The following EIF2AK3 variants were observed in gnomAD, a reference collection of about 807,000 sequenced individuals.
The protein encoded by EIF2AK3 is eukaryotic translation initiation factor 2-alpha kinase 3.
A neutral mutation model predicts 113.5 loss-of-function variants in EIF2AK3; 50 were observed. The observed-to-expected ratio is 0.44, with a 90% CI of 0.35 to 0.56. EIF2AK3 has a LOEUF of 0.56. EIF2AK3 is among the 20% of genes least tolerant of loss of function. The pLI, the probability that EIF2AK3 is intolerant of heterozygous loss-of-function variation, is 0.00. For synonymous variants in EIF2AK3, 448 were observed against 495.4 expected (o/e 0.90, Z 1.27); for missense variants, 1,185 against 1,378.0 (o/e 0.86, Z 2.22).
At chr2:88,590,742 G>A (rs949035804) in intron 5 of EIF2AK3, 76 bp downstream of exon 5, 51 of 1,579,482 alleles carry the variant, frequency 3.2e-5, no homozygotes, top group Middle Eastern at 1.7e-4. Flanking sequence ...TAGTAATTTC[G>A]TTCCACCCAA....
chr2:88,557,319 A>C lies in EIF2AK3; in HGVS notation c.*417T>G. The C allele has an allele frequency of 5.8e-6, 1 of 172,772 alleles. No homozygotes were observed. The allele number at this position is 172,772 out of a possible 1,614,324, so 10.7% of individuals were successfully genotyped here. On this transcript the variant is annotated 3_prime_UTR_variant, in exon 17 of 17. Transcript: ENST00000303236. Reference sequence around the variant, plus strand: ...TCAGCTTTTTCTAGAAATCAGTTTCAAAATCATCATATCTCTAGAAAGCAT... The same window carrying C: ...TCAGCTTTTTCTAGAAATCAGTTTCCAAATCATCATATCTCTAGAAAGCAT...
At chr2:88,566,028 G>A (rs990035784) in intron 14 of EIF2AK3, among the ~76,000 whole-genome samples, 3 of 152,018 alleles carry the variant, frequency 2.0e-5, no homozygotes, top group Admixed American at 1.3e-4. Context: ...AAATTTATTT[G>A]TGATTTTCCC....
intron 3 of EIF2AK3, among the ~76,000 whole-genome samples, chr2:88,593,616 G>A (rs186384877): frequency 2.0e-5 from 3 of 152,158 alleles, no homozygotes; most frequent in Admixed American, 6.5e-5. Context: ...TTTATTTCAG[G>A]GAATGATTTT....
intron 1 of EIF2AK3, among the ~76,000 whole-genome samples, chr2:88,621,513 T>C (rs1675722152): frequency 6.6e-6 from 1 of 152,230 alleles, no homozygotes; most frequent in Non-Finnish European, 1.5e-5. Flanking sequence ...CACAAAACTA[T>C]AAATGTGATT....
At chr2:88,607,194 C>G (rs2104460277) in intron 2 of EIF2AK3, among the ~76,000 whole-genome samples, 1 of 152,072 alleles carries the variant, frequency 6.6e-6, no homozygotes, top group African/African-American at 2.4e-5. Flanking sequence ...CCCAGAGATC[C>G]TAAAGAAAAA....
At chr2:88,576,206 A>T (rs1029632067) in intron 12 of EIF2AK3, among the ~76,000 whole-genome samples, 8 of 152,190 alleles carry the variant, frequency 5.3e-5, no homozygotes, top group African/African-American at 1.9e-4. Flanking sequence ...ATCACAATGT[A>T]TAGAGTCCTA....
chr2:88,623,825 A>G (rs1356640208), intron 1 of EIF2AK3, among the ~76,000 whole-genome samples: 2 of 152,142 alleles, frequency 1.3e-5, no homozygotes, highest in African/African-American at 4.8e-5. Flanking sequence ...GCAGACCCCA[A>G]AACTGGGCTC....
upstream of EIF2AK3, chr2:88,627,474 A>C: frequency 3.4e-6 from 2 of 593,628 alleles, no homozygotes; most frequent in South Asian, 4.6e-5. Flanking sequence ...TATCTCGGAC[A>C]TCGCCCATTG....
intron 14 of EIF2AK3, 114 bp downstream of exon 14, chr2:88,570,760 T>C (rs1674283709): frequency 2.9e-6 from 4 of 1,386,424 alleles, no homozygotes; most frequent in Non-Finnish European, 4.1e-6. Flanking sequence ...CCAGTTTTCA[T>C]AATTTTCAGA....
chr2:88,609,787 T>C lies in EIF2AK3; in HGVS notation c.438+3937A>G, dbSNP rs191288674. ...ACATCTGACGGTATTTGTGATAAAA[T>C]TTATGTTTTTAAGTGAATTCTAGAA... On this transcript the variant is annotated intron_variant, in intron 2 of 16. Transcript: ENST00000303236. Among the ~76,000 whole-genome samples, 1,083 of 152,014 alleles carry C rather than the reference T, an allele frequency of 7.1e-3. 8 individuals carry two copies. The highest frequency in any genetic ancestry group is 0.01 in the Non-Finnish European group (705 of 67,964).
intron 2 of EIF2AK3, among the ~76,000 whole-genome samples, chr2:88,601,529 T>G (rs1274131918): frequency 6.6e-6 from 1 of 152,242 alleles, no homozygotes; most frequent in African/African-American, 2.4e-5. Context: ...GCTTTCCAGC[T>G]GCAACTAAAG....
rs763921692 is a variant in EIF2AK3 at position 88,613,840 on chromosome 2, T to C, written c.322A>G (p.Ile108Val). The change falls in exon 2 of 17, where the codon ATC becomes GTC. Residue 108 changes from isoleucine to valine, a missense_variant. This residue lies in a region of EIF2AK3 where 189 missense variants were observed against 175.2 expected (regional missense o/e 1.08). Transcript: ENST00000303236. The stretch of plus-strand genomic sequence containing the variant: ...GCAATTCTCCCATCTAAAGTGCTGA[T>C]AATTACTAATGACCTGTAAATATTA... ...LRPRGRSLVIISTLDGRIAAL... is the reference protein window; with the variant it reads ...LRPRGRSLVIVSTLDGRIAAL... 3 of 1,612,544 alleles carry C rather than the reference T, an allele frequency of 1.9e-6. No homozygotes were observed. The highest frequency in any genetic ancestry group is 2.5e-6 in the Non-Finnish European group (3 of 1,178,632).
chr2:88,591,934 G>T (rs1461528192), intron 4 of EIF2AK3, among the ~76,000 whole-genome samples: 2 of 152,136 alleles, frequency 1.3e-5, no homozygotes, highest in African/African-American at 4.8e-5. Flanking sequence ...AGGTCAAGTT[G>T]TCTGTAAATG....
intron 14 of EIF2AK3, among the ~76,000 whole-genome samples, chr2:88,564,910 C>T (rs1255631549): frequency 6.6e-6 from 1 of 152,062 alleles, no homozygotes; most frequent in Non-Finnish European, 1.5e-5. Context: ...CTTCCCAAGT[C>T]GTGAGCCTTC....
At chr2:88,622,088 G>C (rs774778390) in intron 1 of EIF2AK3, among the ~76,000 whole-genome samples, 7 of 151,846 alleles carry the variant, frequency 4.6e-5, no homozygotes, top group Admixed American at 6.6e-5. Flanking sequence ...GTAGAGACAG[G>C]GTTTCACAAT....
intron 15 of EIF2AK3, 140 bp from the exon 16 acceptor site, chr2:88,559,119 A>G: frequency 3.3e-6 from 2 of 602,422 alleles, no homozygotes; most frequent in African/African-American, 2.0e-5. Context: ...CTGATTTAAT[A>G]ACTACATATG....
chr2:88,560,261 T>C (rs1673913529), intron 15 of EIF2AK3, among the ~76,000 whole-genome samples: 1 of 152,378 alleles, frequency 6.6e-6, no homozygotes, highest in East Asian at 1.9e-4. Context: ...TTATCCTCTT[T>C]GGAGAAAGTT....
chr2:88,627,303 A>G lies in EIF2AK3; in HGVS notation c.-29T>C, dbSNP rs1675896478. The G allele has an allele frequency of 2.0e-6, 3 of 1,469,496 alleles. No individual in the cohort carries two copies. Among genetic ancestry groups the G allele is most frequent in the East Asian group, 2.9e-5 (1 of 34,554 alleles). The allele number at this position is 1,469,496 out of a possible 1,614,324, so 91.0% of individuals were successfully genotyped here. On this transcript the variant is annotated 5_prime_UTR_variant, in exon 1 of 17. Coordinates refer to ENST00000303236, the MANE Select transcript of EIF2AK3 (RefSeq NM_004836.7). ...CGTCCCGCCCCGCGCGCAGGCATGG[A>G]GGCGCAGCCACTGACGCCTGCCTCT...
intron 2 of EIF2AK3, among the ~76,000 whole-genome samples, chr2:88,612,642 G>C (rs1186048879): frequency 6.6e-6 from 1 of 152,194 alleles, no homozygotes; most frequent in Admixed American, 6.5e-5. Flanking sequence ...GGGTGCACCA[G>C]AAAAGATTTG....
Sources: allele counts gnomAD v4.1 joint callset (sites outside exome capture counted in the v4.1 genomes callset), GRCh38; gene constraint gnomAD v4.1.1; regional missense constraint gnomAD v4.1.1; transcripts MANE v1.5; gene names NCBI Gene and HGNC (gene_info 2026-07-23, HGNC 2026-07-21).